Variants in TBRG4 observed in about 807,000 individuals in gnomAD.
The protein encoded by TBRG4 is transforming growth factor beta regulator 4, also known as FAST kinase domain-containing protein 4.
Under a neutral mutation model 65.6 loss-of-function variants are expected in TBRG4, and 43 were observed. The ratio of observed to expected loss-of-function variants is 0.66; its 90% CI spans 0.51 to 0.85. The LOEUF (loss-of-function observed/expected upper bound fraction) is 0.85. Among genes scored for constraint, TBRG4 ranks in the 40% least tolerant of loss-of-function variants. The probability of loss-of-function intolerance (pLI) is 0.00; values close to 1 mark genes in which losing one functional copy is unlikely to be tolerated. For synonymous variants in TBRG4, 366 were observed against 341.4 expected (o/e 1.07, Z -0.79); for missense variants, 709 against 787.9 (o/e 0.90, Z 1.20).
chr7:45,108,756 C>G, intron 2 of TBRG4, 71 bp downstream of exon 2: 1 of 1,305,864 alleles, frequency 7.7e-7, no homozygotes, highest in East Asian at 2.5e-5. Flanking sequence ...TAAGCACTGG[C>G]TGCTGTGGAC....
At position 45,101,839 on chromosome 7, in the gene TBRG4, T is replaced by C; in HGVS notation, c.1553A>G (p.Tyr518Cys). Residue 518 changes from tyrosine to cysteine, a missense_variant, in exon 8 of 11, where the codon TAT becomes TGT. By Grantham distance (194) the Tyr-to-Cys change is radical. Transcript: ENST00000258770. ...GGAGCCCTCACCCAGCACCCAGCCA[T>C]ACTGCGTGGCCACCTCGAGGCTGCC... ...DKGSLEVATQ[Y>C]GWVLDAEVLL... 1 of 1,606,756 alleles carries C rather than the reference T, an allele frequency of 6.2e-7. No homozygotes were observed. Among genetic ancestry groups the C allele is most frequent in the Non-Finnish European group, 8.5e-7 (1 of 1,179,636 alleles).
chr7:45,107,120 G>A (rs1185542838), intron 2 of TBRG4: 1 of 152,090 alleles, frequency 6.6e-6, no homozygotes, highest in Non-Finnish European at 1.5e-5. Flanking sequence ...CCCAAATGCA[G>A]AGGCCTCCTA....
rs1310866908 is a variant in TBRG4, at chr7:45,109,214, T to C, written c.24A>G (p.Arg8=). ...CAGCTTCTCTCAGGAGGCACGTGCA[T>C]CGCTTTACCAGGTGAGCTGCCATGA... MAAHLVK[R]CTCLLREAAR... is the part of the protein sequence containing the mutation. The change falls in exon 2 of 11, where the codon CGA becomes CGG. Residue 8 remains arginine (R), a synonymous_variant. Transcript: ENST00000258770. 3.1e-6 allele frequency: 5 copies of C among 1,604,196 alleles called. No homozygotes were observed. The highest frequency in any genetic ancestry group is 1.7e-4 in the Middle Eastern group (1 of 6,022).
intron 10 of TBRG4, 109 bp downstream of exon 10, chr7:45,101,149 C>T (rs536457102): frequency 8.4e-6 from 9 of 1,072,784 alleles, no homozygotes; most frequent in Middle Eastern, 2.7e-4. Context: ...CCCGGGGCCA[C>T]GGGCAGGGCA....
At chr7:45,103,250 G>A (rs1784827712) in intron 6 of TBRG4, 83 bp downstream of exon 6, 4 of 1,154,798 alleles carry the variant, frequency 3.5e-6, no homozygotes, top group Non-Finnish European at 5.1e-6. Context: ...CACCTAGCCC[G>A]AGCTGATCTT....
intron 3 of TBRG4, chr7:45,104,933 G>A (rs1784889896): frequency 3.7e-6 from 3 of 815,120 alleles, no homozygotes; most frequent in African/African-American, 1.7e-5. Context: ...CTTATCCCCA[G>A]GTCCCAGGGT....
Position 45,102,419 on chromosome 7 carries a change from A to C in TBRG4, c.1249T>G (p.Cys417Gly). The change falls in exon 7 of 11, where the codon TGT (cysteine) becomes GGT (glycine). Residue 417 changes from cysteine (C) to glycine (G), a missense_variant. Coordinates refer to ENST00000258770, the MANE Select transcript of TBRG4 (RefSeq NM_004749.4). ...ALQVDLVWAL[C>G]VLQQAREAEL... ...GCTTCCCGTGCCTGCTGCAGCACAC[A>C]CAGGGCCCACACCAGGTCCACCTGC... 1 of 1,613,912 alleles carries C rather than the reference A, an allele frequency of 6.2e-7. No individual in the cohort carries two copies.
intron 8 of TBRG4, 29 bp from the exon 9 acceptor site, chr7:45,101,643 G>T (rs1233892090): frequency 1.2e-6 from 2 of 1,607,718 alleles, no homozygotes; most frequent in East Asian, 2.2e-5. Context: ...ATGAGAACAT[G>T]TTGGGGGACA....
At chr7:45,110,210 C>A (rs1785085895) in intron 1 of TBRG4, among the ~76,000 whole-genome samples, 1 of 152,150 alleles carries the variant, frequency 6.6e-6, no homozygotes, top group Non-Finnish European at 1.5e-5. Context: ...CACAAGGCCC[C>A]ATTTTAAACA....
chr7:45,111,671 C>G lies in TBRG4; in HGVS notation c.-79G>C. ...GCGAGCACCACCGCTGACCTCCATC[C>G]GCCGCCCTAACTGTCCCCGGAACCA... On this transcript the variant is annotated 5_prime_UTR_variant, in exon 1 of 11. Coordinates refer to ENST00000258770, the MANE Select transcript of TBRG4 (RefSeq NM_004749.4). 3.1e-6 allele frequency: 4 copies of G among 1,289,350 alleles called. No homozygotes were observed. The highest frequency in any genetic ancestry group is 3.0e-5 in the African/African-American group (2 of 65,866). 79.9% of individuals were successfully genotyped at this position (1,289,350 alleles called of 1,614,324 possible). A position where few individuals can be genotyped will look rare whatever the true frequency, so the allele number is the denominator to read the frequency against.
chr7:45,104,083 C>A lies in TBRG4; in HGVS notation c.1065+16G>T. 1 of 1,580,904 alleles carries A rather than the reference C, an allele frequency of 6.3e-7. No homozygotes were observed. Among genetic ancestry groups the A allele is most frequent in the Non-Finnish European group, 8.6e-7 (1 of 1,163,748 alleles). ...GGAAGCCAGCTTCTCTGAGTTGGGG[C>A]CAGGCCCTGGCTCACCTGGGCAAAG... On this transcript the variant is annotated intron_variant, in intron 5 of 10. Coordinates refer to ENST00000258770, the MANE Select transcript of TBRG4 (RefSeq NM_004749.4).
intron 3 of TBRG4, 170 bp from the exon 4 acceptor site, chr7:45,104,879 C>T (rs1451286591): frequency 1.2e-5 from 13 of 1,104,818 alleles, no homozygotes; most frequent in Non-Finnish European, 1.8e-5. Flanking sequence ...CCTCCTCATC[C>T]ACCCCAGGGA....
At chr7:45,101,167 A>C (rs1181503351) in intron 10 of TBRG4, 91 bp downstream of exon 10, 1 of 1,319,820 alleles carries the variant, frequency 7.6e-7, no homozygotes, top group South Asian at 1.3e-5. Context: ...GCATGTGTCT[A>C]TACCTGCTGG....
intron 4 of TBRG4, 28 bp from the exon 5 acceptor site, chr7:45,104,284 T>C (rs765011519): frequency 1.2e-6 from 2 of 1,613,016 alleles, no homozygotes; most frequent in African/African-American, 1.3e-5. Context: ...TCACAGGGTT[T>C]AGCTGGAGAG....
At chr7:45,104,740 C>A (rs763214544) in intron 3 of TBRG4, 31 bp from the exon 4 acceptor site, 3 of 1,607,036 alleles carry the variant, frequency 1.9e-6, no homozygotes, top group Non-Finnish European at 2.6e-6. Flanking sequence ...GAGGTCAGCT[C>A]AATGGCCTGG....
intron 6 of TBRG4, chr7:45,102,694 T>C: frequency 3.0e-6 from 2 of 656,272 alleles, no homozygotes; most frequent in South Asian, 2.0e-5. Flanking sequence ...ATCTTCCTCA[T>C]GCCCCAAGAC....
At position 45,102,465 on chromosome 7, in the gene TBRG4, C is replaced by T. The variant is rs1303026736; in HGVS notation, c.1203G>A (p.Leu401=). The T allele has an allele frequency of 1.9e-6, 3 of 1,611,982 alleles. No homozygotes were observed. Among genetic ancestry groups the T allele is most frequent in the South Asian group, 2.2e-5 (2 of 91,042 alleles). Reference sequence around the variant, plus strand: ...CCTGCAGGGCTGGCTCCAGGCCTGGCAGCTCTGACCCCAGCTTCTCATGTA... The same window carrying T: ...CCTGCAGGGCTGGCTCCAGGCCTGGTAGCTCTGACCCCAGCTTCTCATGTA... ...SLVHEKLGSE[L]PGLEPALQVD... Residue 401 remains leucine, a synonymous_variant, in exon 7 of 11, where the codon CTG becomes CTA. Coordinates refer to ENST00000258770, the MANE Select transcript of TBRG4 (RefSeq NM_004749.4).
At chr7:45,109,985 A>AG (rs1353033547) in intron 1 of TBRG4, among the ~76,000 whole-genome samples, 1 of 151,816 alleles carries the variant, frequency 6.6e-6, no homozygotes, top group African/African-American at 2.4e-5. Context: ...AAAAAAAAAA[A>AG]AAAAAATTCA....
intron 9 of TBRG4, 35 bp from the exon 10 acceptor site, chr7:45,101,407 C>A: frequency 6.2e-7 from 1 of 1,609,280 alleles, no homozygotes. Context: ...CATGCTTCCA[C>A]TCTCCCAGCC....
Sources: allele counts gnomAD v4.1 joint callset (sites outside exome capture counted in the v4.1 genomes callset), GRCh38; gene constraint gnomAD v4.1.1; transcripts MANE v1.5; gene names NCBI Gene and HGNC (gene_info 2026-07-23, HGNC 2026-07-21).